The following GABRG3 variants were observed in gnomAD, a reference collection of about 807,000 sequenced individuals.
GABRG3 encodes gamma-aminobutyric acid type A receptor subunit gamma3, also known as gamma-aminobutyric acid receptor subunit gamma-3.
GABRG3 carries 25 observed loss-of-function variants against 48.8 expected under a neutral mutation model. The observed-to-expected ratio is 0.51, with a 90% CI of 0.37 to 0.72. The LOEUF is 0.72. GABRG3 is among the 30% of genes least tolerant of loss of function. The pLI is 0.00. For synonymous variants in GABRG3, 227 were observed against 217.6 expected, an observed-to-expected ratio of 1.04 and a Z score of -0.38; for missense variants, 394 against 577.9, an observed-to-expected ratio of 0.68 and a Z score of 3.26.
intron 3 of GABRG3, among the ~76,000 whole-genome samples, chr15:27,220,874 A>G (rs899015066): frequency 2.6e-5 from 4 of 152,192 alleles, no homozygotes; most frequent in East Asian, 1.9e-4. Context: ...GCCCTGTTTC[A>G]TCATCTTCAT....
At chr15:27,388,055 G>A (rs1157352565) in intron 5 of GABRG3, among the ~76,000 whole-genome samples, 1 of 110,012 alleles carries the variant, frequency 9.1e-6, no homozygotes, top group Non-Finnish European at 1.8e-5. Context: ...AAGGAAAGGT[G>A]GGAGGGAGGG....
chr15:27,010,648 C>T (rs1895667652), intron 2 of GABRG3, among the ~76,000 whole-genome samples: 1 of 152,076 alleles, frequency 6.6e-6, no homozygotes, highest in African/African-American at 2.4e-5. Context: ...TCACACATTT[C>T]CCTCTCCCCT....
Position 26,971,533 on chromosome 15 carries a change from A to T in GABRG3, c.-3A>T. The T allele has an allele frequency of 6.5e-7, 1 of 1,526,814 alleles. No individual in the cohort carries two copies. Among genetic ancestry groups the T allele is most frequent in the Non-Finnish European group, 8.8e-7 (1 of 1,137,658 alleles). 94.6% of individuals were successfully genotyped at this position (1,526,814 alleles called of 1,614,324 possible). ...GACCCTGCGCCCCGAGCTCCACGGC[A>T]CCATGGCCCCGAAGCTGCTGCTCCT... On this transcript the variant is annotated 5_prime_UTR_variant, in exon 1 of 10. Transcript: ENST00000615808.
intron 5 of GABRG3, among the ~76,000 whole-genome samples, chr15:27,446,974 C>T (rs1193614804): frequency 6.6e-6 from 1 of 152,174 alleles, no homozygotes; most frequent in Non-Finnish European, 1.5e-5. Flanking sequence ...AGTTAGCTTT[C>T]CCACCCTCTC....
At chr15:27,526,153 T>C (rs1423325937) in intron 7 of GABRG3, among the ~76,000 whole-genome samples, 1 of 152,124 alleles carries the variant, frequency 6.6e-6, no homozygotes, top group Non-Finnish European at 1.5e-5. Flanking sequence ...GGCCAAATGC[T>C]GAGAAGGCCC....
At chr15:26,993,675 C>T (rs1219598572) in intron 2 of GABRG3, among the ~76,000 whole-genome samples, 1 of 151,972 alleles carries the variant, frequency 6.6e-6, no homozygotes, top group African/African-American at 2.4e-5. Flanking sequence ...GTGTTTTCTG[C>T]AGCCCTTGAA....
chr15:27,034,175 A>G (rs1476298362), intron 3 of GABRG3, among the ~76,000 whole-genome samples: 1 of 152,186 alleles, frequency 6.6e-6, no homozygotes, highest in Non-Finnish European at 1.5e-5. Flanking sequence ...CCTTAATTTG[A>G]TGTTTTCTAT....
chr15:27,187,996 C>T lies in GABRG3; in HGVS notation c.271-138813C>T, dbSNP rs369538965. 8.6e-3 allele frequency among the ~76,000 whole-genome samples: 1,289 copies of T among 150,358 alleles called. 15 individuals carry two copies. Among genetic ancestry groups the T allele is most frequent in the Middle Eastern group, 0.014 (4 of 288 alleles). On this transcript the variant is annotated intron_variant, in intron 3 of 9. Coordinates refer to ENST00000615808, the MANE Select transcript of GABRG3 (RefSeq NM_033223.5). ...TGCGGTGTTTGGTTTTTTGTTCTTG[C>T]GACAGTTTACTGAGAATGATGATTT... is the stretch of plus-strand genomic sequence containing the variant.
intron 3 of GABRG3, among the ~76,000 whole-genome samples, chr15:27,047,418 G>A (rs1176025818): frequency 6.6e-6 from 1 of 152,168 alleles, no homozygotes; most frequent in Admixed American, 6.5e-5. Flanking sequence ...TGTGCCCATG[G>A]CCTGGCTTAC....
intron 3 of GABRG3, among the ~76,000 whole-genome samples, chr15:27,298,203 A>T (rs2140490964): frequency 1.3e-5 from 2 of 152,320 alleles, no homozygotes; most frequent in South Asian, 4.1e-4. Flanking sequence ...ACCCTCTAAG[A>T]TGTTGTCTGT....
intron 2 of GABRG3, among the ~76,000 whole-genome samples, chr15:27,004,064 A>G (rs1484287082): frequency 8.4e-6 from 1 of 119,656 alleles, no homozygotes; most frequent in Non-Finnish European, 1.7e-5. Flanking sequence ...GGGGCGGCTG[A>G]CCCGGCGGGG....
intron 3 of GABRG3, among the ~76,000 whole-genome samples, chr15:27,110,180 G>A (rs1391793554): frequency 6.6e-6 from 1 of 151,626 alleles, no homozygotes; most frequent in Non-Finnish European, 1.5e-5. Flanking sequence ...TATCATTTAT[G>A]CTTATTTTTA....
chr15:27,047,412 C>T (rs1395778762), intron 3 of GABRG3, among the ~76,000 whole-genome samples: 1 of 152,116 alleles, frequency 6.6e-6, no homozygotes, highest in Non-Finnish European at 1.5e-5. Context: ...AAAATGTGTG[C>T]CCATGGCCTG....
intron 5 of GABRG3, among the ~76,000 whole-genome samples, chr15:27,387,131 A>G (rs571929367): frequency 1.3e-5 from 2 of 152,212 alleles, no homozygotes; most frequent in South Asian, 4.2e-4. Flanking sequence ...TGACTGTACA[A>G]TATATTAACT....
chr15:27,513,113 G>A (rs1890936193), intron 6 of GABRG3, among the ~76,000 whole-genome samples: 1 of 152,010 alleles, frequency 6.6e-6, no homozygotes, highest in Admixed American at 6.6e-5. Context: ...CAGGCCAGGA[G>A]ATATTTGGGG....
At chr15:27,153,160 C>T (rs1898353314) in intron 3 of GABRG3, among the ~76,000 whole-genome samples, 1 of 152,306 alleles carries the variant, frequency 6.6e-6, no homozygotes, top group Non-Finnish European at 1.5e-5. Context: ...GGCGCCTGGC[C>T]TGAGTTAGTT....
At chr15:27,052,214 T>A in intron 3 of GABRG3, among the ~76,000 whole-genome samples, 1 of 152,112 alleles carries the variant, frequency 6.6e-6, no homozygotes, top group East Asian at 1.9e-4. Flanking sequence ...CCCCATGAAA[T>A]TTCTGGTGGG....
intron 3 of GABRG3, among the ~76,000 whole-genome samples, chr15:27,052,395 G>A (rs150669870): frequency 1.3e-5 from 2 of 152,344 alleles, no homozygotes; most frequent in East Asian, 3.9e-4. Flanking sequence ...GCCTCGGCGT[G>A]TGGCACAGGT....
At chr15:27,521,371 A>G (rs1179364370) in intron 7 of GABRG3, among the ~76,000 whole-genome samples, 2 of 152,272 alleles carry the variant, frequency 1.3e-5, no homozygotes, top group South Asian at 2.1e-4. Context: ...CAATAACAAG[A>G]TCAAGGAGAA....
Sources: allele counts gnomAD v4.1 joint callset (sites outside exome capture counted in the v4.1 genomes callset), GRCh38; gene constraint gnomAD v4.1.1; transcripts MANE v1.5; gene names NCBI Gene and HGNC (gene_info 2026-07-23, HGNC 2026-07-21).